Variants in FANCD2 observed in about 807,000 individuals in gnomAD.
The protein encoded by FANCD2 is FA complementation group D2, also known as Fanconi anemia group D2 protein.
In FANCD2, 131 loss-of-function variants were observed where a neutral mutation model predicts 192.3. The ratio of observed to expected loss-of-function variants is 0.68; its 90% CI spans 0.59 to 0.79. The LOEUF (loss-of-function observed/expected upper bound fraction) is 0.79. FANCD2 is among the 30% of genes least tolerant of loss of function. The pLI is 0.00. For synonymous variants in FANCD2, 524 were observed against 612.5 expected (o/e 0.86, Z 2.13); for missense variants, 1,508 against 1,701.6 (o/e 0.89, Z 2.00).
intron 15 of FANCD2, 127 bp from the exon 16 acceptor site, chr3:10,047,790 G>A: frequency 8.9e-7 from 1 of 1,124,756 alleles, no homozygotes; most frequent in Non-Finnish European, 1.3e-6. Context: ...CAAAGATTAA[G>A]ATTTCCTAAG....
chr3:10,052,333 T>G, intron 17 of FANCD2, 54 bp from the exon 18 acceptor site: 1 of 1,193,900 alleles, frequency 8.4e-7, no homozygotes, highest in Non-Finnish European at 1.3e-6. Flanking sequence ...TTTTTGAATT[T>G]TAAGGGAAAA....
At chr3:10,048,208 G>T (rs989731199) in intron 16 of FANCD2, 157 bp downstream of exon 16, 9 of 925,712 alleles carry the variant, frequency 9.7e-6, no homozygotes, top group Non-Finnish European at 1.5e-5. Flanking sequence ...GAAAGGAAGA[G>T]ACTTGACTGG....
chr3:10,088,603 T>G (rs1694383387), intron 35 of FANCD2, 61 bp downstream of exon 35: 8 of 1,264,756 alleles, frequency 6.3e-6, no homozygotes, highest in Non-Finnish European at 9.3e-6. Flanking sequence ...CTACTGTTGT[T>G]TGTCAGAGAC....
chr3:10,043,289 T>C (rs971827426), intron 12 of FANCD2, 139 bp downstream of exon 12: 1 of 795,128 alleles, frequency 1.3e-6, no homozygotes, highest in African/African-American at 1.7e-5. Context: ...ATTACATATA[T>C]GTATGTGAGT....
intron 23 of FANCD2, among the ~76,000 whole-genome samples, chr3:10,065,160 G>A (rs1479775350): frequency 1.3e-5 from 2 of 152,260 alleles, no homozygotes; most frequent in African/African-American, 2.4e-5. Flanking sequence ...AGTGTGGCAT[G>A]CACCTATAAT....
chr3:10,095,294 C>T lies in FANCD2; in HGVS notation c.4038+20C>T, dbSNP rs1373411199. 1.2e-6 allele frequency: 2 copies of T among 1,604,056 alleles called. No homozygotes were observed. Among genetic ancestry groups the T allele is most frequent in the East Asian group, 2.2e-5 (1 of 44,804 alleles). ...TCCAAGGTAAGAAGGGGAGCAGGTT[C>T]TATCAGCAGCCTGCCTGTTGGCTTA... On this transcript the variant is annotated intron_variant, in intron 41 of 43. Coordinates refer to ENST00000675286, the MANE Select transcript of FANCD2 (RefSeq NM_001018115.3).
chr3:10,079,085 A>G (rs1244975816), intron 30 of FANCD2, among the ~76,000 whole-genome samples: 2 of 152,014 alleles, frequency 1.3e-5, no homozygotes, highest in African/African-American at 4.8e-5. Context: ...TACTAAAAAT[A>G]CAAAAAAAAT....
intron 30 of FANCD2, among the ~76,000 whole-genome samples, chr3:10,078,429 A>G (rs1267149102): frequency 6.6e-6 from 1 of 151,638 alleles, no homozygotes; most frequent in Non-Finnish European, 1.5e-5. Context: ...ATCTCGGCTC[A>G]CTGCAAGCTC....
chr3:10,076,806 G>C (rs2125052958), intron 29 of FANCD2, among the ~76,000 whole-genome samples: 1 of 152,232 alleles, frequency 6.6e-6, no homozygotes, highest in East Asian at 1.9e-4. Context: ...GCTTACTGCA[G>C]CCTCTGCCTC....
chr3:10,040,100 T>C, intron 9 of FANCD2: 1 of 473,506 alleles, frequency 2.1e-6, no homozygotes, highest in Non-Finnish European at 3.8e-6. Flanking sequence ...AGTGGTGCGA[T>C]CTCAGCTCAC....
In FANCD2 at chr3:10,065,995, A is replaced by G. The variant is rs778504315; in HGVS notation, c.2385+16A>G. ...GTTCCGAGAGGTGAGCAGAGTTAAT[A>G]GGATGTTTCACTTATTGTGCATAGT... On this transcript the variant is annotated intron_variant, in intron 25 of 43. Coordinates refer to ENST00000675286, the MANE Select transcript of FANCD2 (RefSeq NM_001018115.3). The G allele has an allele frequency of 4.1e-6, 6 of 1,447,556 alleles. No homozygotes were observed. The Admixed American group carries it at 5.0e-5, about 12-fold the overall frequency. 89.7% of individuals were successfully genotyped at this position (1,447,556 alleles called of 1,614,324 possible).
At chr3:10,100,993 C>T (rs376378807) in intron 43 of FANCD2, among the ~76,000 whole-genome samples, 195 bp from the exon 44 acceptor site, 23 of 152,020 alleles carry the variant, frequency 1.5e-4, no homozygotes, top group East Asian at 9.7e-4. Flanking sequence ...CGCTTGAACC[C>T]GGGAGGCAGA....
intron 39 of FANCD2, 120 bp downstream of exon 39, chr3:10,093,443 T>C: frequency 1.1e-6 from 1 of 893,614 alleles, no homozygotes; most frequent in Non-Finnish European, 1.9e-6. Flanking sequence ...CCAGAATCTA[T>C]GCCAGTTTAG....
intron 3 of FANCD2, among the ~76,000 whole-genome samples, chr3:10,033,982 C>A (rs1310820296): frequency 4.0e-5 from 6 of 150,082 alleles, no homozygotes; most frequent in African/African-American, 1.2e-4. Context: ...CAGGCATGAG[C>A]CACCGCGCCC....
chr3:10,066,459 C>T (rs1259605854), intron 25 of FANCD2, among the ~76,000 whole-genome samples: 7 of 152,292 alleles, frequency 4.6e-5, no homozygotes, highest in African/African-American at 9.6e-5. Context: ...TATTATGATA[C>T]GGGCAGGATA....
intron 4 of FANCD2, 53 bp from the exon 5 acceptor site, chr3:10,034,642 G>T (rs2086685811): frequency 6.6e-7 from 1 of 1,513,742 alleles, no homozygotes. Flanking sequence ...ATTTTTAACA[G>T]CAAATATTAA....
In FANCD2 at chr3:10,052,551, T is replaced by C. The variant is rs1339745386; in HGVS notation, c.1656+54T>C. On this transcript the variant is annotated intron_variant, in intron 18 of 43. Coordinates refer to ENST00000675286, the MANE Select transcript of FANCD2 (RefSeq NM_001018115.3). ...TTTTTTTTTTGAGACAGAGTCTAGC[T>C]CTGTCTCCTAGACTGGAGTGCAGTT... The C allele has an allele frequency of 4.9e-6, 6 of 1,214,372 alleles. No homozygotes were observed. The Admixed American group carries it at 6.8e-5, about 14-fold the overall frequency. 75.2% of individuals were successfully genotyped at this position (1,214,372 alleles called of 1,614,324 possible). A position where few individuals can be genotyped will look rare whatever the true frequency, so the allele number is the denominator to read the frequency against.
At chr3:10,069,180 T>C (rs2087801336) in intron 26 of FANCD2, among the ~76,000 whole-genome samples, 1 of 152,082 alleles carries the variant, frequency 6.6e-6, no homozygotes, top group Non-Finnish European at 1.5e-5. Flanking sequence ...TAAGTTCCTT[T>C]CCTCTGCATA....
chr3:10,048,430 A>T (rs1388167338), intron 16 of FANCD2, among the ~76,000 whole-genome samples: 1 of 152,104 alleles, frequency 6.6e-6, no homozygotes, highest in Non-Finnish European at 1.5e-5. Context: ...CAGCTTCCTA[A>T]GTAGCTGTGA....
Sources: gnomAD v4.1 joint callset for allele counts (sites outside exome capture counted in the v4.1 genomes callset) on GRCh38, gnomAD v4.1.1 for gene constraint, MANE v1.5 for transcripts, NCBI Gene and HGNC (gene_info 2026-07-23, HGNC 2026-07-21) for gene names.